CNTNAP2: variants seen among roughly 807,000 people sequenced by gnomAD.
The protein encoded by CNTNAP2 is contactin associated protein 2.
CNTNAP2 carries 98 observed loss-of-function variants against 155.2 expected under a neutral mutation model. The observed-to-expected ratio is 0.63, with a 90% confidence interval of 0.54 to 0.75. CNTNAP2 has a LOEUF of 0.75. CNTNAP2 is among the 30% of genes least tolerant of loss of function. The pLI is 0.00. For missense variants in CNTNAP2, 1,727 were observed against 1,688.1 expected (o/e 1.02, Z -0.40); for synonymous variants, 651 against 631.2 (o/e 1.03, Z -0.47).
chr7:146,610,805 CTG>C (rs1799124443), intron 1 of CNTNAP2, among the ~76,000 whole-genome samples: 1 of 152,138 alleles, frequency 6.6e-6, no homozygotes, highest in South Asian at 2.1e-4. Context: ...TAAACCTATC[CTG>C]AATTGGAATA....
chr7:146,123,889 C>T (rs1299473258), intron 1 of CNTNAP2, among the ~76,000 whole-genome samples: 2 of 152,060 alleles, frequency 1.3e-5, no homozygotes, highest in Non-Finnish European at 2.9e-5. Context: ...GAAAATGTGA[C>T]AAGTACACAC....
chr7:147,536,666 T>A (rs1052936650), intron 11 of CNTNAP2, among the ~76,000 whole-genome samples: 1 of 152,160 alleles, frequency 6.6e-6, no homozygotes, highest in Non-Finnish European at 1.5e-5. Context: ...TGGAGAGGGC[T>A]CAGTACATTT....
chr7:147,941,867 C>T (rs1322037523), intron 14 of CNTNAP2, among the ~76,000 whole-genome samples: 1 of 152,154 alleles, frequency 6.6e-6, no homozygotes, highest in African/African-American at 2.4e-5. Flanking sequence ...TAAATGATTA[C>T]GCTGGATTAT....
At chr7:147,578,846 T>C (rs1320746074) in intron 12 of CNTNAP2, among the ~76,000 whole-genome samples, 1 of 146,340 alleles carries the variant, frequency 6.8e-6, no homozygotes, top group Admixed American at 6.6e-5. Context: ...GAGATACAAC[T>C]TTTCCGTCTT....
At chr7:148,398,005 T>A (rs1226809538) in intron 22 of CNTNAP2, among the ~76,000 whole-genome samples, 1 of 152,242 alleles carries the variant, frequency 6.6e-6, no homozygotes, top group Non-Finnish European at 1.5e-5. Flanking sequence ...AAATACATTG[T>A]CTTGGGATTG....
At chr7:146,842,823 C>G (rs1459631438) in intron 3 of CNTNAP2, among the ~76,000 whole-genome samples, 3 of 150,872 alleles carry the variant, frequency 2.0e-5, no homozygotes, top group Admixed American at 6.6e-5. Context: ...GTAGCTGGGA[C>G]CACAGGCGCC....
chr7:146,425,221 A>C (rs1317478498), intron 1 of CNTNAP2, among the ~76,000 whole-genome samples: 1 of 152,032 alleles, frequency 6.6e-6, no homozygotes, highest in African/African-American at 2.4e-5. Flanking sequence ...CCCTTTTCTA[A>C]CCCTTTCCTG....
chr7:146,723,416 T>C (rs1041092342), intron 1 of CNTNAP2, among the ~76,000 whole-genome samples: 1 of 152,194 alleles, frequency 6.6e-6, no homozygotes, highest in African/African-American at 2.4e-5. Flanking sequence ...TGTGGTACAT[T>C]ACTATAGCAG....
intron 3 of CNTNAP2, among the ~76,000 whole-genome samples, chr7:146,843,596 CAAA>C (rs10639255): frequency 3.2e-5 from 4 of 126,552 alleles, no homozygotes; most frequent in African/African-American, 6.0e-5. Context: ...CTTACTAATA[CAAA>C]AAAAAAAAAA....
intron 10 of CNTNAP2, among the ~76,000 whole-genome samples, chr7:147,425,363 C>T (rs1242821109): frequency 1.3e-5 from 2 of 151,924 alleles, no homozygotes; most frequent in Non-Finnish European, 2.9e-5. Flanking sequence ...TACCATGGTG[C>T]TTTACTTACA....
chr7:146,887,608 T>TCCC (rs1795693858), intron 3 of CNTNAP2, among the ~76,000 whole-genome samples: 1 of 152,176 alleles, frequency 6.6e-6, no homozygotes, highest in South Asian at 2.1e-4. Context: ...TTCTAAAATT[T>TCCC]CTTTCAGTAA....
intron 20 of CNTNAP2, among the ~76,000 whole-genome samples, chr7:148,242,375 G>A (rs893925710): frequency 6.6e-6 from 1 of 152,206 alleles, no homozygotes; most frequent in African/African-American, 2.4e-5. Context: ...ACTCAGGCAG[G>A]GAGAAGTCAG....
chr7:146,324,351 T>C (rs1325439807), intron 1 of CNTNAP2, among the ~76,000 whole-genome samples: 1 of 152,148 alleles, frequency 6.6e-6, no homozygotes, highest in African/African-American at 2.4e-5. Flanking sequence ...TATCATGGGG[T>C]ATTGTAACCA....
chr7:146,425,969 T>A (rs1375603939), intron 1 of CNTNAP2, among the ~76,000 whole-genome samples: 1 of 151,840 alleles, frequency 6.6e-6, no homozygotes, highest in Non-Finnish European at 1.5e-5. Context: ...GTGGATCACC[T>A]GAGGTCAGGA....
chr7:147,416,939 A>G (rs1563196854), intron 10 of CNTNAP2, among the ~76,000 whole-genome samples: 1 of 152,046 alleles, frequency 6.6e-6, no homozygotes, highest in South Asian at 2.1e-4. Flanking sequence ...AAATACAAAA[A>G]TTAGCCTGGC....
intron 8 of CNTNAP2, among the ~76,000 whole-genome samples, chr7:147,178,875 T>G (rs10952675): frequency 0.38 from 58,118 of 152,066 alleles, 12,172 homozygotes; most frequent in East Asian, 0.62. Context: ...TTAGTCACTG[T>G]TTGTTAGCAT....
chr7:146,474,212 T>A (rs1796840469), intron 1 of CNTNAP2, among the ~76,000 whole-genome samples: 1 of 149,956 alleles, frequency 6.7e-6, no homozygotes, highest in Non-Finnish European at 1.5e-5. Context: ...GTGCATTTAT[T>A]TTTTTTTATT....
chr7:147,567,993 G>A (rs1164569301), intron 12 of CNTNAP2, among the ~76,000 whole-genome samples: 3 of 152,184 alleles, frequency 2.0e-5, no homozygotes, highest in African/African-American at 7.2e-5. Context: ...GGCTGAGACA[G>A]GAGAGTCACT....
chr7:146,320,630 A>G (rs139152310), intron 1 of CNTNAP2, among the ~76,000 whole-genome samples: 12 of 152,148 alleles, frequency 7.9e-5, no homozygotes, highest in East Asian at 7.7e-4. Context: ...GATAGCTCCT[A>G]TGGTTTTCAA....
Sources: gnomAD v4.1 joint callset for allele counts (sites outside exome capture counted in the v4.1 genomes callset) on GRCh38, gnomAD v4.1.1 for gene constraint, MANE v1.5 for transcripts, NCBI Gene and HGNC (gene_info 2026-07-23, HGNC 2026-07-21) for gene names.